The following GRHL2 variants were observed in gnomAD, a reference collection of about 807,000 sequenced individuals.
GRHL2 encodes grainyhead like transcription factor 2.
A neutral mutation model predicts 83.8 loss-of-function variants in GRHL2; 21 were observed. The ratio of observed to expected loss-of-function variants is 0.25; its 90% CI spans 0.18 to 0.36. The LOEUF is 0.36. Among genes scored for constraint, GRHL2 ranks in the 10% least tolerant of loss-of-function variants. The pLI is 1.00. For missense variants in GRHL2, 623 were observed against 781.8 expected (o/e 0.80, Z 2.42); for synonymous variants, 280 against 278.9 (o/e 1.00, Z -0.04).
chr8:101,605,650 C>T (rs1200451597), intron 8 of GRHL2, among the ~76,000 whole-genome samples: 4 of 152,216 alleles, frequency 2.6e-5, no homozygotes, highest in South Asian at 2.1e-4. Flanking sequence ...TCTCTATCCA[C>T]GTCTTCTGTT....
chr8:101,494,255 C>G (rs527375710), intron 1 of GRHL2, among the ~76,000 whole-genome samples: 1 of 152,246 alleles, frequency 6.6e-6, no homozygotes, highest in South Asian at 2.1e-4. Context: ...CGGACCTGTT[C>G]AGGGGTGGAG....
intron 1 of GRHL2, among the ~76,000 whole-genome samples, chr8:101,493,793 T>C (rs1810028745): frequency 1.3e-5 from 2 of 151,692 alleles, no homozygotes; most frequent in Admixed American, 1.3e-4. Context: ...TCCAGACGCG[T>C]CGGGGAGCCA....
intron 1 of GRHL2, among the ~76,000 whole-genome samples, chr8:101,513,936 T>C (rs1810517219): frequency 6.6e-6 from 1 of 152,206 alleles, no homozygotes; most frequent in Non-Finnish European, 1.5e-5. Flanking sequence ...TGAAAGTCCT[T>C]GACTAACCTT....
intron 7 of GRHL2, among the ~76,000 whole-genome samples, chr8:101,580,676 C>A (rs73281005): frequency 0.042 from 6,436 of 152,176 alleles, 262 homozygotes; most frequent in East Asian, 0.18. Flanking sequence ...AAAATGTGCA[C>A]CATTTTTATT....
intron 1 of GRHL2, among the ~76,000 whole-genome samples, chr8:101,510,532 C>T (rs1280261310): frequency 1.3e-5 from 2 of 151,946 alleles, no homozygotes; most frequent in Non-Finnish European, 2.9e-5. Context: ...GAATTAAGGG[C>T]CAGTGAGCGA....
intron 1 of GRHL2, among the ~76,000 whole-genome samples, chr8:101,509,221 G>T (rs1439503739): frequency 1.1e-4 from 7 of 63,794 alleles, no homozygotes; most frequent in Non-Finnish European, 2.1e-4. Flanking sequence ...GTGTGTGTGT[G>T]TGTGTGTGTG....
intron 9 of GRHL2, among the ~76,000 whole-genome samples, chr8:101,623,821 A>G (rs1157252941): frequency 1.5e-5 from 1 of 64,560 alleles, no homozygotes; most frequent in East Asian, 3.5e-4. Context: ...TTTACAGTAC[A>G]CAGTAGGACA....
Position 101,666,658 on chromosome 8 carries a change from G to A in GRHL2, c.1833G>A (p.Met611Ile). ...ACGAGGACACCTTCATCCTCAACATGGAGAGCATGGTGGAGGGCTTCAAGG... is the reference window on the plus strand; with the variant it reads ...ACGAGGACACCTTCATCCTCAACATAGAGAGCATGGTGGAGGGCTTCAAGG... ...YSNEDTFILN[M>I]ESMVEGFKVT... is the part of the protein sequence containing the mutation. The change falls in exon 16 of 16, where the codon ATG becomes ATA. Residue 611 changes from methionine (M) to isoleucine (I), a missense_variant. Transcript: ENST00000646743. 5 of 1,613,764 alleles carry A rather than the reference G, an allele frequency of 3.1e-6. No individual in the cohort carries two copies. The highest frequency in any genetic ancestry group is 4.2e-6 in the Non-Finnish European group (5 of 1,179,680).
chr8:101,540,752 C>A lies in GRHL2; in HGVS notation c.21-2489C>A, dbSNP rs76914829. ...GAGGAACCATCTACCATTAGGAGAT[C>A]CCATAGGAATGTCAGCAAAAATAGA... On this transcript the variant is annotated intron_variant, in intron 1 of 15. Transcript: ENST00000646743. Among the ~76,000 whole-genome samples, 740 of 152,258 alleles carry A rather than the reference C, an allele frequency of 4.9e-3. 5 individuals are homozygous for A. Among genetic ancestry groups the A allele is most frequent in the African/African-American group, 0.017 (712 of 41,548 alleles).
At chr8:101,644,706 G>T (rs1029541813) in intron 13 of GRHL2, among the ~76,000 whole-genome samples, 1 of 152,204 alleles carries the variant, frequency 6.6e-6, no homozygotes, top group Non-Finnish European at 1.5e-5. Context: ...CTGTGCCCAT[G>T]TCTTGCCCAG....
At chr8:101,560,568 T>C (rs1319087992) in intron 4 of GRHL2, among the ~76,000 whole-genome samples, 1 of 152,238 alleles carries the variant, frequency 6.6e-6, no homozygotes, top group Admixed American at 6.5e-5. Flanking sequence ...TATGTTTAAC[T>C]TCATAAAGTA....
At chr8:101,563,675 C>T (rs1167767856) in intron 4 of GRHL2, among the ~76,000 whole-genome samples, 1 of 151,990 alleles carries the variant, frequency 6.6e-6, no homozygotes, top group Non-Finnish European at 1.5e-5. Flanking sequence ...TCTTAGCTTC[C>T]TGCATCATAT....
At chr8:101,559,069 A>T (rs1178433050) in intron 4 of GRHL2, among the ~76,000 whole-genome samples, 1 of 152,086 alleles carries the variant, frequency 6.6e-6, no homozygotes, top group Admixed American at 6.6e-5. Context: ...TTTTCATTTT[A>T]GTCTTAAGAC....
At chr8:101,615,771 C>T (rs983730812) in intron 8 of GRHL2, among the ~76,000 whole-genome samples, 4 of 152,094 alleles carry the variant, frequency 2.6e-5, no homozygotes, top group Non-Finnish European at 5.9e-5. Flanking sequence ...CTCAATCTTC[C>T]CTCTGACTTC....
the GRHL2 span, among the ~76,000 whole-genome samples, chr8:101,675,263 C>T: frequency 1.3e-5 from 2 of 152,130 alleles, no homozygotes; most frequent in Non-Finnish European, 2.9e-5. Context: ...AAGAGGAAGT[C>T]AAATTGCCCC....
intron 7 of GRHL2, among the ~76,000 whole-genome samples, chr8:101,593,152 G>T (rs1241406601): frequency 6.6e-6 from 1 of 151,940 alleles, no homozygotes; most frequent in Non-Finnish European, 1.5e-5. Flanking sequence ...CCCCATGTTG[G>T]CCAGGCTGGT....
chr8:101,595,993 A>G (rs1390538982), intron 7 of GRHL2, among the ~76,000 whole-genome samples: 1 of 151,914 alleles, frequency 6.6e-6, no homozygotes, highest in East Asian at 1.9e-4. Context: ...GGTGGCAGGC[A>G]CCTGTAGTCC....
chr8:101,546,803 T>C (rs904516802), intron 2 of GRHL2, among the ~76,000 whole-genome samples: 12 of 152,326 alleles, frequency 7.9e-5, no homozygotes, highest in African/African-American at 2.9e-4. Flanking sequence ...GATTAAGTAC[T>C]AGTAAATATG....
At position 101,612,520 on chromosome 8, in the gene GRHL2, G is replaced by GATAGATAGATACATACATAC. The variant is rs371662487; in HGVS notation, c.1099-7016_1099-7015insGATAGATACATACATACATA. ...AGATAGATAGATAGATAGATAGATA[G>GATAGATAGATACATACATAC]ATACATACATACATACATACATACA... On this transcript the variant is annotated intron_variant, in intron 8 of 15. Coordinates refer to ENST00000646743, the MANE Select transcript of GRHL2 (RefSeq NM_024915.4). Among the ~76,000 whole-genome samples, 523 of 123,756 alleles carry GATAGATAGATACATACATAC rather than the reference G, an allele frequency of 4.2e-3. 6 individuals are homozygous for GATAGATAGATACATACATAC. Among genetic ancestry groups the GATAGATAGATACATACATAC allele is most frequent in the South Asian group, 7.2e-3 (26 of 3,602 alleles). 81.2% of individuals were successfully genotyped at this position (123,756 alleles called of 152,430 possible). A position where few individuals can be genotyped will look rare whatever the true frequency, so the allele number is the denominator to read the frequency against.
Sources: gnomAD v4.1 joint callset for allele counts (sites outside exome capture counted in the v4.1 genomes callset) on GRCh38, gnomAD v4.1.1 for gene constraint, MANE v1.5 for transcripts, NCBI Gene and HGNC (gene_info 2026-07-23, HGNC 2026-07-21) for gene names.